FAM241A: variants seen among roughly 807,000 people sequenced by gnomAD.
The protein encoded by FAM241A is family with sequence similarity 241 member A.
A neutral mutation model predicts 12.2 loss-of-function variants in FAM241A; 7 were observed. The ratio of observed to expected loss-of-function variants is 0.58; its 90% confidence interval spans 0.33 to 1.08. The LOEUF is 1.08. Among genes scored for constraint, FAM241A ranks in the 50% least tolerant of loss-of-function variants. The pLI, the probability that FAM241A is intolerant of heterozygous loss-of-function variation, is 0.04. For missense variants in FAM241A, 161 were observed against 169.7 expected, an observed-to-expected ratio of 0.95 and a Z score of 0.29; for synonymous variants, 74 against 68.2, an observed-to-expected ratio of 1.08 and a Z score of -0.42.
intron 1 of FAM241A, among the ~76,000 whole-genome samples, chr4:112,147,964 C>G (rs942799447): frequency 1.3e-5 from 2 of 152,044 alleles, no homozygotes; most frequent in Non-Finnish European, 2.9e-5. Flanking sequence ...AAATTAGAGG[C>G]AGGAGCTAGC....
rs569358355 is a variant in FAM241A at position 112,147,698 on chromosome 4, T to G, written c.153+1965T>G. Among the ~76,000 whole-genome samples the G allele has an allele frequency of 2.6e-5, 4 of 152,324 alleles. No homozygotes were observed. In the South Asian group the frequency reaches 8.3e-4, roughly 32 times the overall value. ...TTTAGTTTTTATTTAGGGAGATGAT[T>G]TTTGTTTGTCCTGTTGGTTGGTTTA... On this transcript the variant is annotated intron_variant, in intron 1 of 1. Coordinates refer to ENST00000309733, the MANE Select transcript of FAM241A (RefSeq NM_152400.3).
At chr4:112,177,818 A>G (rs1048663075) in intron 1 of FAM241A, among the ~76,000 whole-genome samples, 1 of 152,218 alleles carries the variant, frequency 6.6e-6, no homozygotes, top group Non-Finnish European at 1.5e-5. Context: ...AGCAGCTGTC[A>G]TATTCTGTAA....
intron 1 of FAM241A, among the ~76,000 whole-genome samples, chr4:112,179,701 G>A (rs891467047): frequency 6.9e-6 from 1 of 145,500 alleles, no homozygotes; most frequent in Non-Finnish European, 1.5e-5. Flanking sequence ...AGAACTTAAA[G>A]TATAATAAAA....
At chr4:112,157,741 C>G (rs1358185532) in intron 1 of FAM241A, among the ~76,000 whole-genome samples, 1 of 152,076 alleles carries the variant, frequency 6.6e-6, no homozygotes, top group Non-Finnish European at 1.5e-5. Flanking sequence ...CCAAACACTT[C>G]CAAAAAATTT....
chr4:112,151,863 G>C (rs1197114295), intron 1 of FAM241A, among the ~76,000 whole-genome samples: 3 of 152,030 alleles, frequency 2.0e-5, no homozygotes, highest in Non-Finnish European at 4.4e-5. Flanking sequence ...AGTGTTTTTT[G>C]TTTGTTTGTT....
chr4:112,179,943 A>ATATATATATATATATATAAATG (rs1553921438), intron 1 of FAM241A, among the ~76,000 whole-genome samples: 1 of 129,514 alleles, frequency 7.7e-6, no homozygotes, highest in African/African-American at 2.9e-5. Flanking sequence ...ATATATGTAT[A>ATATATATATATATATATAAATG]TGTGTGTGTG....
chr4:112,169,525 C>G (rs1457406202), intron 1 of FAM241A, among the ~76,000 whole-genome samples: 2 of 152,046 alleles, frequency 1.3e-5, no homozygotes, highest in Admixed American at 6.5e-5. Context: ...GAGAAAGATC[C>G]AAAACAATCC....
At position 112,191,860 on chromosome 4, in the gene FAM241A, A is replaced by G. The variant is rs1287809676; in HGVS notation, c.*4922A>G. ...TTGATTAATTATTAAATTAATCAAT[A>G]GGCTTCACAAGGGAAGAGAACATGT... On this transcript the variant is annotated 3_prime_UTR_variant, in exon 2 of 2. Coordinates refer to ENST00000309733, the MANE Select transcript of FAM241A (RefSeq NM_152400.3). 6.6e-6 allele frequency: 1 copy of G among 152,202 alleles called. No individual in the cohort carries two copies. Among genetic ancestry groups the G allele is most frequent in the Non-Finnish European group, 1.5e-5 (1 of 68,042 alleles). The allele number at this position is 152,202 out of a possible 1,614,324, so 9.4% of individuals were successfully genotyped here. A position where few individuals can be genotyped will look rare whatever the true frequency, so the allele number is the denominator to read the frequency against.
At chr4:112,176,553 C>T (rs1361904815) in intron 1 of FAM241A, among the ~76,000 whole-genome samples, 2 of 152,110 alleles carry the variant, frequency 1.3e-5, no homozygotes, top group African/African-American at 2.4e-5. Flanking sequence ...GGGACTTAAC[C>T]TCTTCATTCC....
At position 112,191,305 on chromosome 4, in the gene FAM241A, C is replaced by T. The variant is rs945411916; in HGVS notation, c.*4367C>T. ...CTGAGTCCATTCTGCCATCATCTCACCTGGCATGCTGAGAATCCTGATTAG... is the reference window on the plus strand; with the variant it reads ...CTGAGTCCATTCTGCCATCATCTCATCTGGCATGCTGAGAATCCTGATTAG... On this transcript the variant is annotated 3_prime_UTR_variant, in exon 2 of 2. Transcript: ENST00000309733. 2.0e-5 allele frequency: 3 copies of T among 152,214 alleles called. No homozygotes were observed. Among genetic ancestry groups the T allele is most frequent in the African/African-American group, 7.2e-5 (3 of 41,448 alleles). The allele number at this position is 152,214 out of a possible 1,614,324, so 9.4% of individuals were successfully genotyped here.
At chr4:112,151,634 C>T (rs1325178032) in intron 1 of FAM241A, among the ~76,000 whole-genome samples, 2 of 152,150 alleles carry the variant, frequency 1.3e-5, no homozygotes, top group Non-Finnish European at 2.9e-5. Flanking sequence ...GGAGAATAAG[C>T]AAGTCAATAT....
At chr4:112,157,406 G>C (rs1210315642) in intron 1 of FAM241A, among the ~76,000 whole-genome samples, 1 of 152,008 alleles carries the variant, frequency 6.6e-6, no homozygotes, top group Non-Finnish European at 1.5e-5. Context: ...ATGCCATAGA[G>C]ACACCCAGAA....
At chr4:112,183,160 A>C (rs534137678) in intron 1 of FAM241A, among the ~76,000 whole-genome samples, 46 of 152,152 alleles carry the variant, frequency 3.0e-4, no homozygotes, top group Non-Finnish European at 5.6e-4. Flanking sequence ...TCTTCATCAG[A>C]TTACCCAGAT....
At chr4:112,163,070 A>G (rs1020992844) in intron 1 of FAM241A, among the ~76,000 whole-genome samples, 7 of 152,248 alleles carry the variant, frequency 4.6e-5, no homozygotes, top group Non-Finnish European at 8.8e-5. Flanking sequence ...AGGATTTCCT[A>G]TTGAATAAAT....
rs1219125090 is a variant in FAM241A, at chr4:112,189,452, CTG to C, written c.*2516_*2517del. On this transcript the variant is annotated 3_prime_UTR_variant, in exon 2 of 2. Coordinates refer to ENST00000309733, the MANE Select transcript of FAM241A (RefSeq NM_152400.3). The stretch of plus-strand genomic sequence containing the variant: ...CTCAAATACAAGCCAGTTTTAGAAA[CTG>C]TTATTGCTTATGAATAAAGAAATAG... 1 of 148,608 alleles carries C rather than the reference CTG, an allele frequency of 6.7e-6. No homozygotes were observed. The allele number at this position is 148,608 out of a possible 1,614,324, so 9.2% of individuals were successfully genotyped here.
intron 1 of FAM241A, among the ~76,000 whole-genome samples, chr4:112,162,478 C>G (rs1723495933): frequency 6.6e-6 from 1 of 152,176 alleles, no homozygotes; most frequent in African/African-American, 2.4e-5. Flanking sequence ...GATACAAAAT[C>G]AATGTGCAAA....
rs183925924 is a variant in FAM241A at position 112,159,452 on chromosome 4, C to A, written c.153+13719C>A. On this transcript the variant is annotated intron_variant, in intron 1 of 1. Coordinates refer to ENST00000309733, the MANE Select transcript of FAM241A (RefSeq NM_152400.3). ...TCTTTTAAAGGGTGCATTTATTATACCAAAGCCAGACAAAGACACATCAAA... is the reference window on the plus strand; with the variant it reads ...TCTTTTAAAGGGTGCATTTATTATAACAAAGCCAGACAAAGACACATCAAA... Among the ~76,000 whole-genome samples, 228 of 152,242 alleles carry A rather than the reference C, an allele frequency of 1.5e-3. 2 individuals are homozygous for A. The highest frequency in any genetic ancestry group is 5.2e-3 in the African/African-American group (218 of 41,556).
chr4:112,186,404 A>G (rs1157928755), intron 1 of FAM241A, among the ~76,000 whole-genome samples: 1 of 152,228 alleles, frequency 6.6e-6, no homozygotes, highest in Non-Finnish European at 1.5e-5. Context: ...GAATCTTACC[A>G]GGACAGAGCA....
chr4:112,184,734 T>G (rs926424888), intron 1 of FAM241A, among the ~76,000 whole-genome samples: 7 of 152,208 alleles, frequency 4.6e-5, no homozygotes, highest in African/African-American at 7.2e-5. Context: ...TGATTTTCTA[T>G]TTTAAACAAA....
Sources: gnomAD v4.1 joint callset for allele counts (sites outside exome capture counted in the v4.1 genomes callset) on GRCh38, gnomAD v4.1.1 for gene constraint, MANE v1.5 for transcripts, NCBI Gene and HGNC (gene_info 2026-07-23, HGNC 2026-07-21) for gene names.